CLVS1: variants seen among roughly 807,000 people sequenced by gnomAD.
CLVS1 encodes the protein clavesin 1.
Under a neutral mutation model 33.1 loss-of-function variants are expected in CLVS1, and 10 were observed. That is an observed-to-expected ratio of 0.30 (90% CI 0.19 to 0.51). The LOEUF (loss-of-function observed/expected upper bound fraction) is 0.51. Ranked by LOEUF, CLVS1 falls within the 20% of genes least tolerant of loss-of-function variation. The probability of loss-of-function intolerance (pLI) is 0.97; values close to 1 mark genes in which losing one functional copy is unlikely to be tolerated. For synonymous variants in CLVS1, 163 were observed against 166.1 expected, an observed-to-expected ratio of 0.98 and a Z score of 0.14; for missense variants, 343 against 433.4, an observed-to-expected ratio of 0.79 and a Z score of 1.85.
intron 1 of CLVS1, among the ~76,000 whole-genome samples, chr8:61,096,707 G>A (rs1420748444): frequency 6.6e-6 from 1 of 152,156 alleles, no homozygotes; most frequent in Non-Finnish European, 1.5e-5. Context: ...GCCTGGATCT[G>A]TGTTTTGGAA....
intron 1 of CLVS1, among the ~76,000 whole-genome samples, chr8:61,098,481 G>C (rs1335909337): frequency 6.6e-6 from 1 of 151,762 alleles, no homozygotes; most frequent in Non-Finnish European, 1.5e-5. Flanking sequence ...GGCATTCAGG[G>C]TTAACTCAGA....
At chr8:61,460,773 C>A (rs1817340405) in intron 5 of CLVS1, among the ~76,000 whole-genome samples, 2 of 152,214 alleles carry the variant, frequency 1.3e-5, no homozygotes, top group African/African-American at 4.8e-5. Context: ...TTGCCAAGAC[C>A]TTTGCTCTTG....
chr8:61,314,893 A>G (rs915290056), intron 2 of CLVS1, among the ~76,000 whole-genome samples: 6 of 152,250 alleles, frequency 3.9e-5, no homozygotes, highest in Admixed American at 6.5e-5. Flanking sequence ...TTGTTGAATT[A>G]TGTGTTATAG....
At chr8:61,432,170 T>C (rs182352914) in intron 3 of CLVS1, among the ~76,000 whole-genome samples, 112 of 152,340 alleles carry the variant, frequency 7.4e-4, no homozygotes, top group African/African-American at 2.5e-3. Context: ...CAAATTCGAA[T>C]GAGGAAGTGT....
At chr8:61,182,639 A>T (rs572735517) in intron 2 of CLVS1, among the ~76,000 whole-genome samples, 125 of 152,244 alleles carry the variant, frequency 8.2e-4, no homozygotes, top group Non-Finnish European at 1.6e-3. Context: ...ATACCGTCTC[A>T]CGTCAGTCAC....
intron 2 of CLVS1, among the ~76,000 whole-genome samples, chr8:61,369,002 C>G (rs890570075): frequency 6.6e-6 from 1 of 151,502 alleles, no homozygotes; most frequent in African/African-American, 2.4e-5. Context: ...TTTCTTCTCC[C>G]TCTCCCTCCC....
the CLVS1 span, among the ~76,000 whole-genome samples, chr8:60,987,824 C>G: frequency 6.6e-6 from 1 of 152,054 alleles, no homozygotes; most frequent in African/African-American, 2.4e-5. Context: ...CCCAGCTACT[C>G]AGAGGCTGAG....
chr8:61,381,548 A>G (rs1028195009), intron 3 of CLVS1, among the ~76,000 whole-genome samples: 1 of 152,170 alleles, frequency 6.6e-6, no homozygotes, highest in Admixed American at 6.6e-5. Context: ...GGTAGTGAGC[A>G]TAATACTCAA....
chr8:61,383,972 A>C (rs573646814), intron 3 of CLVS1, among the ~76,000 whole-genome samples: 3 of 152,296 alleles, frequency 2.0e-5, no homozygotes, highest in African/African-American at 7.2e-5. Flanking sequence ...AAATATTTGG[A>C]AAAAGAGACA....
At chr8:61,288,265 C>T (rs1486466007) in intron 1 of CLVS1, 127 bp downstream of exon 1, 7 of 456,558 alleles carry the variant, frequency 1.5e-5, no homozygotes, top group Admixed American at 1.2e-4. Flanking sequence ...TGCAATCCCT[C>T]TGCACTCCAT....
intron 2 of CLVS1, among the ~76,000 whole-genome samples, chr8:61,200,970 A>T (rs370039011): frequency 2.0e-5 from 3 of 152,332 alleles, no homozygotes; most frequent in East Asian, 3.9e-4. Flanking sequence ...TTTTCAAGAT[A>T]TTGTTAGCCA....
intron 2 of CLVS1, among the ~76,000 whole-genome samples, chr8:61,152,317 G>A (rs996008343): frequency 6.6e-6 from 1 of 152,032 alleles, no homozygotes; most frequent in Admixed American, 6.5e-5. Context: ...CCATCATTAG[G>A]GCCCTACCCT....
intron 2 of CLVS1, among the ~76,000 whole-genome samples, chr8:61,313,425 T>TA (rs1256540395): frequency 6.6e-6 from 1 of 152,194 alleles, no homozygotes; most frequent in Non-Finnish European, 1.5e-5. Context: ...ATTTGGGCTT[T>TA]ATCCTAAGGA....
chr8:61,273,708 A>C (rs1242069082), intron 2 of CLVS1, among the ~76,000 whole-genome samples: 3 of 152,222 alleles, frequency 2.0e-5, no homozygotes, highest in Non-Finnish European at 4.4e-5. Context: ...CCGTGTTTTA[A>C]GCCCATCAGA....
At chr8:61,105,598 C>T (rs1805519023) in intron 1 of CLVS1, among the ~76,000 whole-genome samples, 1 of 152,210 alleles carries the variant, frequency 6.6e-6, no homozygotes, top group Non-Finnish European at 1.5e-5. Flanking sequence ...ACGCCAGGTA[C>T]TCTCTGTGCC....
At chr8:61,132,311 C>T (rs546055063) in intron 2 of CLVS1, among the ~76,000 whole-genome samples, 32 of 152,302 alleles carry the variant, frequency 2.1e-4, no homozygotes, top group African/African-American at 5.3e-4. Flanking sequence ...GCTGGGGTTG[C>T]GGCAGGGGAA....
At chr8:60,994,319 A>C in the CLVS1 span, among the ~76,000 whole-genome samples, 1 of 152,334 alleles carries the variant, frequency 6.6e-6, no homozygotes, top group East Asian at 1.9e-4. Flanking sequence ...CTATCTCCAA[A>C]TACAGTCACA....
intron 3 of CLVS1, among the ~76,000 whole-genome samples, chr8:61,400,635 C>CTTT (rs1359703993): frequency 6.6e-6 from 1 of 152,124 alleles, no homozygotes; most frequent in Non-Finnish European, 1.5e-5. Flanking sequence ...ATGCTTCCAG[C>CTTT]TTTTGCCCAT....
chr8:61,130,527 CAGA>C (rs1806074492), intron 1 of CLVS1, among the ~76,000 whole-genome samples: 1 of 152,130 alleles, frequency 6.6e-6, no homozygotes, highest in South Asian at 2.1e-4. Context: ...TAGAAGCCAA[CAGA>C]ATGAATTATA....
Sources: gnomAD v4.1 joint callset for allele counts (sites outside exome capture counted in the v4.1 genomes callset) on GRCh38, gnomAD v4.1.1 for gene constraint, MANE v1.5 for transcripts, NCBI Gene and HGNC (gene_info 2026-07-23, HGNC 2026-07-21) for gene names.